MYO5B: variants seen among roughly 807,000 people sequenced by gnomAD.
The protein encoded by MYO5B is myosin VB.
MYO5B carries 143 observed loss-of-function variants against 229.3 expected under a neutral mutation model. That is an observed-to-expected ratio of 0.62 (90% CI 0.54 to 0.72). The LOEUF (loss-of-function observed/expected upper bound fraction) is 0.72, where lower values mean the gene tolerates loss of function less well. MYO5B is among the 30% of genes least tolerant of loss of function. MYO5B has a pLI of 0.00. For synonymous variants in MYO5B, 918 were observed against 885.2 expected (o/e 1.04, Z -0.66); for missense variants, 2,321 against 2,331.0 (o/e 1.00, Z 0.09).
At chr18:50,014,019 A>G (rs986964657) in intron 4 of MYO5B, among the ~76,000 whole-genome samples, 7 of 152,208 alleles carry the variant, frequency 4.6e-5, no homozygotes, top group African/African-American at 1.2e-4. Context: ...CTTCCAAGTC[A>G]GGAATCTTTG....
intron 39 of MYO5B, among the ~76,000 whole-genome samples, chr18:49,830,946 C>T (rs931243827): frequency 6.8e-6 from 1 of 146,858 alleles, no homozygotes; most frequent in African/African-American, 2.5e-5. Context: ...TACGGACAGA[C>T]ATACAGACCA....
intron 1 of MYO5B, among the ~76,000 whole-genome samples, chr18:50,138,919 C>A (rs1236798891): frequency 2.0e-5 from 3 of 152,348 alleles, no homozygotes; most frequent in East Asian, 1.9e-4. Flanking sequence ...ATCCCCATGG[C>A]CCACCCAGGC....
At chr18:50,172,344 G>T (rs2032931646) in intron 1 of MYO5B, among the ~76,000 whole-genome samples, 1 of 148,458 alleles carries the variant, frequency 6.7e-6, no homozygotes, top group East Asian at 2.0e-4. Flanking sequence ...AGTGCAAAGA[G>T]ATTGGCCAGA....
intron 23 of MYO5B, chr18:49,879,536 C>T: frequency 4.7e-6 from 1 of 213,808 alleles, no homozygotes; most frequent in Non-Finnish European, 9.5e-6. Flanking sequence ...TGGGCTACTT[C>T]CCTGCCAAAA....
At chr18:49,903,578 C>T (rs1568024807) in intron 20 of MYO5B, among the ~76,000 whole-genome samples, 2 of 152,180 alleles carry the variant, frequency 1.3e-5, no homozygotes, top group Non-Finnish European at 2.9e-5. Flanking sequence ...GCCTGGGTTT[C>T]TCTACATACT....
Position 49,847,265 on chromosome 18 carries a change from T to C in MYO5B, c.4340A>G (p.Glu1447Gly), listed in dbSNP as rs772394335. Residue 1447 changes from glutamate (E) to glycine (G), a missense_variant, in exon 33 of 40, where the codon GAG becomes GGG. Around this residue, in one of 2 missense-constraint regions of MYO5B, gnomAD observed 2,113 missense variants for 2,044.7 expected, o/e 1.03. Transcript: ENST00000285039. ...CCTGTTGAGCTCATGGCGCTTCCTC[T>C]CACTCTGGGCCAATGCCTGGGCAGC... ...LEAAQALAQS[E>G]RKRHELNRQV... The C allele has an allele frequency of 6.2e-7, 1 of 1,613,722 alleles. No individual in the cohort carries two copies. Among genetic ancestry groups the C allele is most frequent in the East Asian group, 2.2e-5 (1 of 44,872 alleles).
In MYO5B at chr18:50,099,854, C is replaced by T. The variant is rs184878441; in HGVS notation, c.28-44476G>A. On this transcript the variant is annotated intron_variant, in intron 1 of 39. Coordinates refer to ENST00000285039, the MANE Select transcript of MYO5B (RefSeq NM_001080467.3). ...TGACATTAGATATATAAACTTTATC[C>T]TCCACCAAAAGGGCTAAATATAGAC... Among the ~76,000 whole-genome samples, 457 of 152,306 alleles carry T rather than the reference C, an allele frequency of 3.0e-3. 3 individuals are homozygous for T. The highest frequency in any genetic ancestry group is 0.011 in the African/African-American group (440 of 41,556).
chr18:49,875,771 C>G lies in MYO5B; in HGVS notation c.3453G>C (p.Lys1151Asn). The G allele has an allele frequency of 6.2e-7, 1 of 1,614,210 alleles. No homozygotes were observed. The highest frequency in any genetic ancestry group is 8.5e-7 in the Non-Finnish European group (1 of 1,180,020). ...MDMTVFLKLQKRVRELEQERK... is the reference protein window; with the variant it reads ...MDMTVFLKLQNRVRELEQERK... ...TCTCCTGCTCCAGCTCCCGTACTCTCTTCTGCAGCTTCAGGAAGACCGTCA... is the reference window on the plus strand; with the variant it reads ...TCTCCTGCTCCAGCTCCCGTACTCTGTTCTGCAGCTTCAGGAAGACCGTCA... Residue 1151 changes from lysine to asparagine, a missense_variant, in exon 26 of 40, where the codon AAG becomes AAC. Coordinates refer to ENST00000285039, the MANE Select transcript of MYO5B (RefSeq NM_001080467.3).
intron 14 of MYO5B, among the ~76,000 whole-genome samples, chr18:49,945,392 C>T (rs535294829): frequency 7.3e-4 from 111 of 152,250 alleles, no homozygotes; most frequent in African/African-American, 2.4e-3. Context: ...CCTGTCCTCA[C>T]CCTACTTCCT....
chr18:50,077,967 T>A (rs1312279943), intron 1 of MYO5B, among the ~76,000 whole-genome samples: 3 of 152,174 alleles, frequency 2.0e-5, no homozygotes, highest in African/African-American at 7.2e-5. Context: ...AAAAGACATA[T>A]ATTAGCACAA....
chr18:50,092,697 G>A (rs2144490487), intron 1 of MYO5B, among the ~76,000 whole-genome samples: 1 of 152,248 alleles, frequency 6.6e-6, no homozygotes. Context: ...CTGCAATCAT[G>A]AATGAATGCC....
At chr18:49,879,193 G>T (rs1024535986) in intron 23 of MYO5B, 103 bp from the exon 24 acceptor site, 12 of 1,378,504 alleles carry the variant, frequency 8.7e-6, no homozygotes, top group Non-Finnish European at 4.1e-6. Context: ...TGCCCATGAC[G>T]AGCTCATCAG....
chr18:50,069,471 C>A (rs943009941), intron 1 of MYO5B, among the ~76,000 whole-genome samples: 1 of 152,132 alleles, frequency 6.6e-6, no homozygotes, highest in Non-Finnish European at 1.5e-5. Flanking sequence ...CCAGCCTCAC[C>A]GTCCATTAGT....
At chr18:50,016,527 G>A (rs1187838832) in intron 4 of MYO5B, among the ~76,000 whole-genome samples, 1 of 152,084 alleles carries the variant, frequency 6.6e-6, no homozygotes, top group Non-Finnish European at 1.5e-5. Context: ...CTCTGCCCTT[G>A]TCCCAACTGT....
intron 14 of MYO5B, among the ~76,000 whole-genome samples, chr18:49,952,815 C>A (rs7229166): frequency 6.6e-6 from 1 of 151,884 alleles, no homozygotes; most frequent in Admixed American, 6.6e-5. Context: ...GTTCTATAGA[C>A]TGCTGAACAA....
chr18:50,028,948 T>C (rs546374335), intron 4 of MYO5B, among the ~76,000 whole-genome samples: 3 of 152,360 alleles, frequency 2.0e-5, no homozygotes, highest in South Asian at 2.1e-4. Flanking sequence ...TGCAGGGTCA[T>C]AGAAGGCAGG....
At chr18:50,030,722 A>C (rs1156968560) in intron 4 of MYO5B, among the ~76,000 whole-genome samples, 1 of 151,646 alleles carries the variant, frequency 6.6e-6, no homozygotes, top group East Asian at 1.9e-4. Flanking sequence ...TCCAAGCTGC[A>C]CACCCCTCCC....
At chr18:49,975,261 T>C (rs1161926216) in intron 9 of MYO5B, among the ~76,000 whole-genome samples, 4 of 152,214 alleles carry the variant, frequency 2.6e-5, no homozygotes, top group Non-Finnish European at 4.4e-5. Flanking sequence ...GCACTAGCCA[T>C]GTTCCTCCCT....
At chr18:50,108,901 C>T (rs1156684742) in intron 1 of MYO5B, among the ~76,000 whole-genome samples, 1 of 152,116 alleles carries the variant, frequency 6.6e-6, no homozygotes, top group East Asian at 1.9e-4. Context: ...GGTGAGGCAA[C>T]CCTTTCCTTT....
Sources: allele counts gnomAD v4.1 joint callset (sites outside exome capture counted in the v4.1 genomes callset), GRCh38; gene constraint gnomAD v4.1.1; regional missense constraint gnomAD v4.1.1; transcripts MANE v1.5; gene names NCBI Gene and HGNC (gene_info 2026-07-23, HGNC 2026-07-21).